The following ATP13A3 variants were observed in gnomAD, a reference collection of about 807,000 sequenced individuals.
ATP13A3 encodes the protein ATPase 13A3.
Under a neutral mutation model 158.1 loss-of-function variants are expected in ATP13A3, and 59 were observed. The ratio of observed to expected loss-of-function variants is 0.37; its 90% CI spans 0.30 to 0.46. The LOEUF is 0.46. Among genes scored for constraint, ATP13A3 ranks in the 20% least tolerant of loss-of-function variants. ATP13A3 has a pLI of 1.00. For synonymous variants in ATP13A3, 491 were observed against 504.3 expected (o/e 0.97, Z 0.35); for missense variants, 1,166 against 1,525.2 (o/e 0.76, Z 3.92).
At chr3:194,441,078 G>C (rs1242729920) in intron 16 of ATP13A3, among the ~76,000 whole-genome samples, 2 of 152,196 alleles carry the variant, frequency 1.3e-5, no homozygotes, top group East Asian at 3.9e-4. Context: ...GCAGGGGCCT[G>C]AGCTGGTCAG....
At position 194,437,114 on chromosome 3, in the gene ATP13A3, T is replaced by G; in HGVS notation, c.2101A>C (p.Lys701Gln). 1 of 1,614,196 alleles carries G rather than the reference T, an allele frequency of 6.2e-7. No individual in the cohort carries two copies. Among genetic ancestry groups the G allele is most frequent in the Non-Finnish European group, 8.5e-7 (1 of 1,180,024 alleles). The change falls in exon 20 of 34, where the codon AAA (lysine) becomes CAA (glutamine). Residue 701 changes from lysine (K) to glutamine (Q), a missense_variant. Physicochemically the swap from Lys to Gln is moderately conservative, Grantham distance 53. Around this residue, in one of 3 missense-constraint regions of ATP13A3, gnomAD observed 997 missense variants for 1,341.2 expected, o/e 0.74. Coordinates refer to ENST00000645319, the MANE Select transcript of ATP13A3 (RefSeq NM_001367549.1). ...CCTCACCTGCTAATATTCTGTACTT[T>G]ATGCCATGTCAGTTTTGACTCCAAT... ...RKLESKLTWHKVQNISRDAIE... is the reference protein window; with the variant it reads ...RKLESKLTWHQVQNISRDAIE...
chr3:194,468,464 A>G (rs1014916817), intron 2 of ATP13A3, among the ~76,000 whole-genome samples: 1 of 152,066 alleles, frequency 6.6e-6, no homozygotes, highest in African/African-American at 2.4e-5. Context: ...AAATATGCCA[A>G]TTTTTGAAAG....
At position 194,431,100 on chromosome 3, in the gene ATP13A3, T is replaced by C. The variant is rs765523925; in HGVS notation, c.2544+4A>G. 6.2e-7 allele frequency: 1 copy of C among 1,613,528 alleles called. No homozygotes were observed. Among genetic ancestry groups the C allele is most frequent in the Non-Finnish European group, 8.5e-7 (1 of 1,179,512 alleles). ...GAGCACACACATACACCCAAATTAC[T>C]TACCTTAGGAACAAGGTCTTGAAAA... On this transcript the variant is annotated splice_donor_region_variant and intron_variant, in intron 23 of 33. Coordinates refer to ENST00000645319, the MANE Select transcript of ATP13A3 (RefSeq NM_001367549.1).
intron 30 of ATP13A3, among the ~76,000 whole-genome samples, chr3:194,422,964 A>C (rs1379667144): frequency 2.0e-5 from 3 of 150,776 alleles, no homozygotes; most frequent in African/African-American, 7.4e-5. Context: ...GGAAAAAGAT[A>C]CATAGGCCCT....
intron 33 of ATP13A3, 127 bp from the exon 34 acceptor site, chr3:194,406,243 A>G: frequency 1.0e-6 from 1 of 985,166 alleles, no homozygotes; most frequent in Non-Finnish European, 1.5e-6. Flanking sequence ...AGCACAACGA[A>G]TGGGGGAAAA....
chr3:194,458,676 C>T (rs1719423350), intron 6 of ATP13A3, among the ~76,000 whole-genome samples: 1 of 152,166 alleles, frequency 6.6e-6, no homozygotes, highest in Admixed American at 6.5e-5. Flanking sequence ...GCATGAGACA[C>T]CATGCCCGGC....
intron 31 of ATP13A3, among the ~76,000 whole-genome samples, chr3:194,416,371 T>C (rs1238921922): frequency 2.0e-4 from 31 of 152,006 alleles, no homozygotes; most frequent in Admixed American, 1.9e-3. Flanking sequence ...GGCAGGAGAA[T>C]TGCTTGAACC....
chr3:194,491,337 C>A (rs1050496041), upstream of ATP13A3, among the ~76,000 whole-genome samples: 2 of 152,126 alleles, frequency 1.3e-5, no homozygotes, highest in African/African-American at 4.8e-5. Context: ...ACGCTGTCAC[C>A]CAAACAACTG....
At chr3:194,464,402 T>G (rs767019300) in intron 2 of ATP13A3, among the ~76,000 whole-genome samples, 1 of 152,150 alleles carries the variant, frequency 6.6e-6, no homozygotes, top group Non-Finnish European at 1.5e-5. Context: ...CAAGATCTTC[T>G]CCACCTAGGG....
At position 194,437,151 on chromosome 3, in the gene ATP13A3, A is replaced by G. The variant is rs1717702465; in HGVS notation, c.2064T>C (p.Leu688=). 6.2e-7 allele frequency: 1 copy of G among 1,614,094 alleles called. No homozygotes were observed. The highest frequency in any genetic ancestry group is 8.5e-7 in the Non-Finnish European group (1 of 1,179,936). Residue 688 remains leucine, a synonymous_variant, in exon 20 of 34, where the codon CTT becomes CTC. Transcript: ENST00000645319. The part of the protein sequence containing the change: ...FTKQGFRVIA[L]AHRKLESKLT... ...GTTTTGACTCCAATTTTCTGTGTGC[A>G]AGAGCAATCACACGGAAGCCCTGTT...
At chr3:194,412,393 A>G (rs1473624336) in intron 32 of ATP13A3, 105 bp from the exon 33 acceptor site, 2 of 841,494 alleles carry the variant, frequency 2.4e-6, no homozygotes, top group Admixed American at 2.2e-5. Flanking sequence ...GATGAAAAGG[A>G]TATTTTGATT....
intron 2 of ATP13A3, among the ~76,000 whole-genome samples, chr3:194,466,920 G>A (rs1720023811): frequency 6.6e-6 from 1 of 152,148 alleles, no homozygotes; most frequent in Non-Finnish European, 1.5e-5. Flanking sequence ...GGCACAGAGG[G>A]CCACGAATAT....
Position 194,403,657 on chromosome 3 carries a change from T to C in ATP13A3, c.*2262A>G, listed in dbSNP as rs1469557465. 1 of 153,246 alleles carries C rather than the reference T, an allele frequency of 6.5e-6. No individual in the cohort carries two copies. The highest frequency in any genetic ancestry group is 1.5e-5 in the Non-Finnish European group (1 of 68,778). The allele number at this position is 153,246 out of a possible 1,614,324, so 9.5% of individuals were successfully genotyped here. On this transcript the variant is annotated 3_prime_UTR_variant, in exon 34 of 34. Transcript: ENST00000645319. The stretch of plus-strand genomic sequence containing the variant: ...GTCTGTATAAACTCAAATAATTTAA[T>C]GTGAAATTCAGAATCAAAATTACTA...
chr3:194,480,312 C>T (rs565924262), intron 2 of ATP13A3, among the ~76,000 whole-genome samples: 94 of 152,266 alleles, frequency 6.2e-4, no homozygotes, highest in African/African-American at 2.2e-3. Flanking sequence ...TTATCCAATA[C>T]ACCATGCCCT....
chr3:194,467,029 G>C (rs1465130510), intron 2 of ATP13A3, among the ~76,000 whole-genome samples: 1 of 152,048 alleles, frequency 6.6e-6, no homozygotes, highest in African/African-American at 2.4e-5. Context: ...AACTTCTGTT[G>C]GTTTTTGAAT....
rs1378127060 is a variant in ATP13A3 at position 194,486,851 on chromosome 3, G to A, written c.-374C>T. ...GGGCGAGAACAAGGGAGGGCGGCGG[G>A]AGGTGGGCAGGGGAGGGGGGCGGTC... is the stretch of plus-strand genomic sequence containing the variant. On this transcript the variant is annotated 5_prime_UTR_variant, in exon 1 of 34. Coordinates refer to ENST00000645319, the MANE Select transcript of ATP13A3 (RefSeq NM_001367549.1). The A allele has an allele frequency of 6.6e-6, 1 of 151,736 alleles. No individual in the cohort carries two copies. Among genetic ancestry groups the A allele is most frequent in the Non-Finnish European group, 1.5e-5 (1 of 67,916 alleles). The allele number at this position is 151,736 out of a possible 1,614,324, so 9.4% of individuals were successfully genotyped here.
intron 7 of ATP13A3, 26 bp downstream of exon 7, chr3:194,457,068 T>C: frequency 1.3e-6 from 2 of 1,570,284 alleles, no homozygotes; most frequent in Non-Finnish European, 1.8e-6. Context: ...TTTGAGAAGA[T>C]CTAACTTTAG....
intron 30 of ATP13A3, among the ~76,000 whole-genome samples, chr3:194,421,942 G>C (rs1192206154): frequency 1.4e-5 from 1 of 71,912 alleles, no homozygotes; most frequent in East Asian, 3.5e-4. Flanking sequence ...GTGTGTCGTT[G>C]GCAAAAAAAA....
At position 194,486,724 on chromosome 3, in the gene ATP13A3, C is replaced by T. The variant is rs1277833355; in HGVS notation, c.-247G>A. 1 of 150,390 alleles carries T rather than the reference C, an allele frequency of 6.6e-6. No homozygotes were observed. The highest frequency in any genetic ancestry group is 2.4e-5 in the African/African-American group (1 of 41,142). The allele number at this position is 150,390 out of a possible 1,614,324, so 9.3% of individuals were successfully genotyped here. ...CCTCGGCCGGCGCCGCGCGCTGCGG[C>T]TCAGGGTGAGGGAAGGAGGCGCCGC... On this transcript the variant is annotated 5_prime_UTR_variant, in exon 1 of 34. Coordinates refer to ENST00000645319, the MANE Select transcript of ATP13A3 (RefSeq NM_001367549.1).
Sources: gnomAD v4.1 joint callset for allele counts (sites outside exome capture counted in the v4.1 genomes callset) on GRCh38, gnomAD v4.1.1 for gene constraint, gnomAD v4.1.1 regional missense constraint, MANE v1.5 for transcripts, NCBI Gene and HGNC (gene_info 2026-07-23, HGNC 2026-07-21) for gene names.